Variants in CRPPA observed in about 807,000 individuals in gnomAD.
CRPPA encodes the protein CDP-L-ribitol pyrophosphorylase A, also known as D-ribitol-5-phosphate cytidylyltransferase.
Under a neutral mutation model 52.0 loss-of-function variants are expected in CRPPA, and 43 were observed. That is an observed-to-expected ratio of 0.83 (90% confidence interval 0.65 to 1.07). The LOEUF (loss-of-function observed/expected upper bound fraction) is 1.07, where lower values mean the gene tolerates loss of function less well. Ranked by LOEUF, CRPPA falls within the 50% of genes least tolerant of loss-of-function variation. CRPPA has a pLI of 0.00. For missense variants in CRPPA, 629 were observed against 551.7 expected (o/e 1.14, Z -1.40); for synonymous variants, 250 against 203.5 (o/e 1.23, Z -1.94).
At chr7:16,389,102 T>C (rs549293605) in intron 2 of CRPPA, among the ~76,000 whole-genome samples, 340 of 152,284 alleles carry the variant, frequency 2.2e-3, no homozygotes, top group Non-Finnish European at 3.5e-3. Context: ...AAAAAGGGAA[T>C]TGAATTAGTA....
intron 1 of CRPPA, among the ~76,000 whole-genome samples, chr7:16,412,050 A>G (rs1384046004): frequency 6.6e-6 from 1 of 152,208 alleles, no homozygotes; most frequent in East Asian, 1.9e-4. Flanking sequence ...TTAACTCCCA[A>G]TTTTACTAGA....
intron 9 of CRPPA, among the ~76,000 whole-genome samples, chr7:16,190,224 T>C (rs1781580410): frequency 6.6e-6 from 1 of 152,194 alleles, no homozygotes; most frequent in Non-Finnish European, 1.5e-5. Context: ...TGCCTTAATT[T>C]TTCCCAAGGT....
intron 3 of CRPPA, among the ~76,000 whole-genome samples, chr7:16,369,045 T>C (rs1230245080): frequency 1.3e-5 from 2 of 152,118 alleles, no homozygotes; most frequent in African/African-American, 2.4e-5. Flanking sequence ...CTCTTCTAGG[T>C]GCTAGAAATG....
chr7:16,323,549 C>T (rs1303662468), intron 3 of CRPPA, among the ~76,000 whole-genome samples: 3 of 152,214 alleles, frequency 2.0e-5, no homozygotes, highest in African/African-American at 7.2e-5. Flanking sequence ...CAGAGCCATC[C>T]TGCCAAGTCC....
intron 2 of CRPPA, among the ~76,000 whole-genome samples, chr7:16,400,172 G>C: frequency 6.6e-6 from 1 of 152,132 alleles, no homozygotes; most frequent in South Asian, 2.1e-4. Context: ...GTGATGACAC[G>C]TTTGTGACGT....
In CRPPA at chr7:16,328,291, G is replaced by T. The variant is rs143705861; in HGVS notation, c.685-19664C>A. 5.8e-4 allele frequency among the ~76,000 whole-genome samples: 89 copies of T among 152,142 alleles called. 1 individual carries two copies. The highest frequency in any genetic ancestry group is 2.1e-3 in the African/African-American group (88 of 41,494). On this transcript the variant is annotated intron_variant, in intron 3 of 9. Coordinates refer to ENST00000407010, the MANE Select transcript of CRPPA (RefSeq NM_001101426.4). ...TGTGCCCAAATGATTTATATACCTGGACGTTTCATTACGCAAAAATTCTAA... is the reference window on the plus strand; with the variant it reads ...TGTGCCCAAATGATTTATATACCTGTACGTTTCATTACGCAAAAATTCTAA...
intron 5 of CRPPA, among the ~76,000 whole-genome samples, chr7:16,293,177 C>T (rs1267559828): frequency 3.3e-5 from 5 of 151,736 alleles, no homozygotes; most frequent in East Asian, 1.9e-4. Flanking sequence ...GGCAAAATAT[C>T]GAGAAATCTG....
intron 8 of CRPPA, among the ~76,000 whole-genome samples, chr7:16,253,592 G>A (rs1255628500): frequency 6.6e-6 from 1 of 152,166 alleles, no homozygotes; most frequent in Non-Finnish European, 1.5e-5. Flanking sequence ...TTGATTTGGG[G>A]TGGAGAGTTC....
intron 6 of CRPPA, among the ~76,000 whole-genome samples, chr7:16,265,486 C>T (rs1211306035): frequency 6.6e-6 from 1 of 152,194 alleles, no homozygotes; most frequent in East Asian, 1.9e-4. Context: ...GTGGACACTG[C>T]CTCTGTCTGA....
rs1782703694 is a variant in CRPPA, at chr7:16,132,791, G to A, written c.1252-40992C>T. The stretch of plus-strand genomic sequence containing the variant: ...ATAAAAAGTTAGGTATGTCATGAAT[G>A]CACAAAATATATGTAGATGCTAGTC... On this transcript the variant is annotated intron_variant, in intron 9 of 9. Coordinates refer to ENST00000407010, the MANE Select transcript of CRPPA (RefSeq NM_001101426.4). Among the ~76,000 whole-genome samples, 2 of 124,394 alleles carry A rather than the reference G, an allele frequency of 1.6e-5. 1 individual carries two copies. Among genetic ancestry groups the A allele is most frequent in the African/African-American group, 5.2e-5 (2 of 38,348 alleles). 81.6% of individuals were successfully genotyped at this position (124,394 alleles called of 152,430 possible).
chr7:16,302,919 C>T (rs1784821183), intron 4 of CRPPA, among the ~76,000 whole-genome samples: 1 of 151,950 alleles, frequency 6.6e-6, no homozygotes, highest in Admixed American at 6.6e-5. Flanking sequence ...AAAGGAACTT[C>T]AATACTCATT....
intron 8 of CRPPA, among the ~76,000 whole-genome samples, chr7:16,250,088 C>T (rs961396106): frequency 6.6e-5 from 10 of 152,176 alleles, no homozygotes; most frequent in African/African-American, 2.4e-4. Flanking sequence ...GAAGCATACA[C>T]AAGTTTCCAC....
intron 3 of CRPPA, among the ~76,000 whole-genome samples, chr7:16,363,859 T>A (rs767078922): frequency 1.3e-5 from 2 of 152,184 alleles, no homozygotes; most frequent in Non-Finnish European, 2.9e-5. Flanking sequence ...CAGAGTTCAA[T>A]AAATTTGCCT....
chr7:16,237,575 A>G (rs1213610383), intron 8 of CRPPA, among the ~76,000 whole-genome samples: 2 of 152,170 alleles, frequency 1.3e-5, no homozygotes, highest in Admixed American at 6.5e-5. Context: ...AGTCCAATAC[A>G]CTAACCTAGT....
At chr7:16,172,606 G>A (rs539554471) in intron 9 of CRPPA, among the ~76,000 whole-genome samples, 21 of 152,178 alleles carry the variant, frequency 1.4e-4, no homozygotes, top group African/African-American at 5.1e-4. Flanking sequence ...CTTCTTAGTG[G>A]GCGTGCTTTT....
At chr7:16,250,782 T>C (rs1783426594) in intron 8 of CRPPA, among the ~76,000 whole-genome samples, 1 of 152,138 alleles carries the variant, frequency 6.6e-6, no homozygotes, top group Admixed American at 6.6e-5. Flanking sequence ...TGCCAAATTG[T>C]AAAGACCATT....
chr7:16,184,513 T>C (rs1287102637), intron 9 of CRPPA, among the ~76,000 whole-genome samples: 1 of 152,180 alleles, frequency 6.6e-6, no homozygotes, highest in Non-Finnish European at 1.5e-5. Context: ...ATATCTAACA[T>C]GAATAGAAAG....
At chr7:16,288,687 A>G (rs1479019994) in intron 5 of CRPPA, among the ~76,000 whole-genome samples, 2 of 151,846 alleles carry the variant, frequency 1.3e-5, no homozygotes, top group African/African-American at 4.8e-5. Flanking sequence ...TCTCTGCTAA[A>G]CATACAAAAA....
intron 3 of CRPPA, among the ~76,000 whole-genome samples, chr7:16,362,143 C>T (rs775520276): frequency 9.9e-5 from 15 of 152,196 alleles, no homozygotes; most frequent in Non-Finnish European, 2.2e-4. Context: ...CGTGAGCCAC[C>T]GCGCTCGGCC....
Sources: allele counts gnomAD v4.1 joint callset (sites outside exome capture counted in the v4.1 genomes callset), GRCh38; gene constraint gnomAD v4.1.1; transcripts MANE v1.5; gene names NCBI Gene and HGNC (gene_info 2026-07-23, HGNC 2026-07-21).